CACNA2D2: variants seen among roughly 807,000 people sequenced by gnomAD.
CACNA2D2 encodes voltage-dependent calcium channel subunit alpha-2/delta-2.
In CACNA2D2, 48 loss-of-function variants were observed where a neutral mutation model predicts 166.4. The observed-to-expected ratio is 0.29, with a 90% CI of 0.23 to 0.37. CACNA2D2 has a LOEUF of 0.37. CACNA2D2 is among the 10% of genes least tolerant of loss of function. The probability of loss-of-function intolerance (pLI) is 1.00; values close to 1 mark genes in which losing one functional copy is unlikely to be tolerated. For synonymous variants in CACNA2D2, 561 were observed against 573.7 expected (o/e 0.98, Z 0.32); for missense variants, 1,122 against 1,433.0 (o/e 0.78, Z 3.50).
chr3:50,480,432 T>C (rs760466698), intron 1 of CACNA2D2, among the ~76,000 whole-genome samples: 3 of 151,990 alleles, frequency 2.0e-5, no homozygotes, highest in East Asian at 1.9e-4. Context: ...TAAGGACTTA[T>C]TGAGGGCTCA....
At chr3:50,471,615 G>A (rs2107066730) in intron 2 of CACNA2D2, among the ~76,000 whole-genome samples, 1 of 152,324 alleles carries the variant, frequency 6.6e-6, no homozygotes, top group East Asian at 1.9e-4. Context: ...CAGTGTGTGA[G>A]TGTGCATGTG....
At chr3:50,464,078 C>A (rs1403792970) in intron 2 of CACNA2D2, among the ~76,000 whole-genome samples, 2 of 152,238 alleles carry the variant, frequency 1.3e-5, no homozygotes, top group African/African-American at 4.8e-5. Context: ...GAACTCCCTC[C>A]ATCACCCAGG....
At chr3:50,473,692 G>C (rs771943780) in intron 2 of CACNA2D2, among the ~76,000 whole-genome samples, 2 of 152,166 alleles carry the variant, frequency 1.3e-5, no homozygotes, top group African/African-American at 2.4e-5. Context: ...CGGGGTCAGG[G>C]GTGAGTTGTG....
Position 50,375,921 on chromosome 3 carries a change from C to A in CACNA2D2, c.1774-41G>T. The A allele has an allele frequency of 6.2e-7, 1 of 1,612,748 alleles. No individual in the cohort carries two copies. Among genetic ancestry groups the A allele is most frequent in the Non-Finnish European group, 8.5e-7 (1 of 1,179,658 alleles). On this transcript the variant is annotated intron_variant, in intron 19 of 37. Coordinates refer to ENST00000424201, the MANE Select transcript of CACNA2D2 (RefSeq NM_006030.4). The surrounding 1 kb of genome is among the most constrained non-coding windows in gnomAD (Gnocchi z 4.0). ...ATGTGAGGGGCAGGGCCCCTACACT[C>A]CTCTGCTCTGTCCCCCACCCCTGTT...
chr3:50,501,777 T>C (rs1446723578), intron 1 of CACNA2D2, among the ~76,000 whole-genome samples: 1 of 152,260 alleles, frequency 6.6e-6, no homozygotes, highest in Non-Finnish European at 1.5e-5. Flanking sequence ...CTTTTGCTTT[T>C]TTTAAGCACT....
At chr3:50,468,886 T>C (rs1361622600) in intron 2 of CACNA2D2, among the ~76,000 whole-genome samples, 1 of 149,424 alleles carries the variant, frequency 6.7e-6, no homozygotes, top group Non-Finnish European at 1.5e-5. Context: ...TGGAGTGCAG[T>C]GGAGCGATCT....
intron 3 of CACNA2D2, among the ~76,000 whole-genome samples, chr3:50,403,284 G>A (rs1252448019): frequency 1.3e-5 from 2 of 151,776 alleles, no homozygotes; most frequent in African/African-American, 4.8e-5. Flanking sequence ...CCAGGTTCTG[G>A]GTTGCTCCTT....
chr3:50,390,576 G>A (rs1322511954), intron 4 of CACNA2D2, among the ~76,000 whole-genome samples: 1 of 152,160 alleles, frequency 6.6e-6, no homozygotes, highest in Non-Finnish European at 1.5e-5. Flanking sequence ...GACATACCCT[G>A]TGTTATCTGA....
At chr3:50,377,225 G>A (rs772648430) in intron 17 of CACNA2D2, among the ~76,000 whole-genome samples, 10 of 152,196 alleles carry the variant, frequency 6.6e-5, no homozygotes, top group Non-Finnish European at 1.5e-4. Flanking sequence ...CAGTGCAACC[G>A]AGTAAGAGAT....
At chr3:50,503,119 C>T (rs932070047) in intron 1 of CACNA2D2, 99 bp downstream of exon 1, 1 of 677,154 alleles carries the variant, frequency 1.5e-6, no homozygotes, top group African/African-American at 1.9e-5. Flanking sequence ...CCCAGCGCCT[C>T]TGCCCTGGCG....
Position 50,379,000 on chromosome 3 carries a change from G to A in CACNA2D2, c.1261-7C>T. 1 of 1,613,974 alleles carries A rather than the reference G, an allele frequency of 6.2e-7. No homozygotes were observed. Among genetic ancestry groups the A allele is most frequent in the South Asian group, 1.1e-5 (1 of 91,088 alleles). ...AGAAAGTAAACACGCGCACCTGTGGGGGGTTTGAGGTTACTGCTGTGGCCA... is the reference window on the plus strand; with the variant it reads ...AGAAAGTAAACACGCGCACCTGTGGAGGGTTTGAGGTTACTGCTGTGGCCA... On this transcript the variant is annotated splice_polypyrimidine_tract_variant and splice_region_variant and intron_variant, in intron 12 of 37. Transcript: ENST00000424201.
At chr3:50,478,929 C>T (rs1697919214) in intron 1 of CACNA2D2, among the ~76,000 whole-genome samples, 1 of 152,184 alleles carries the variant, frequency 6.6e-6, no homozygotes, top group African/African-American at 2.4e-5. Context: ...CCACCCCAGG[C>T]TGTTGACTCT....
At chr3:50,416,878 C>T (rs991487945) in intron 3 of CACNA2D2, among the ~76,000 whole-genome samples, 2 of 152,172 alleles carry the variant, frequency 1.3e-5, no homozygotes, top group Non-Finnish European at 2.9e-5. Flanking sequence ...TGTGTGTGTG[C>T]CCATCGGGTG....
rs147838153 is a variant in CACNA2D2 at position 50,379,657 on chromosome 3, G to A, written c.994-67C>T. 115 of 1,611,770 alleles carry A rather than the reference G, an allele frequency of 7.1e-5. No individual in the cohort carries two copies. The highest frequency in any genetic ancestry group is 6.8e-4 in the African/African-American group (51 of 74,992). Reference sequence around the variant, plus strand: ...GGGTAGGCAGCTATTGCATGGGGCTGGTGATGGTCACAGGAGCAGGGCAGA... The same window carrying A: ...GGGTAGGCAGCTATTGCATGGGGCTAGTGATGGTCACAGGAGCAGGGCAGA... On this transcript the variant is annotated intron_variant, in intron 10 of 37. Coordinates refer to ENST00000424201, the MANE Select transcript of CACNA2D2 (RefSeq NM_006030.4). This position sits in a 1 kb window ranked among gnomAD's most constrained non-coding sequence, Gnocchi z 6.5.
rs1172042434 is a variant in CACNA2D2, at chr3:50,375,053, C to T, written c.1908-240G>A. 6.6e-6 allele frequency among the ~76,000 whole-genome samples: 1 copy of T among 152,168 alleles called. No homozygotes were observed. The highest frequency in any genetic ancestry group is 1.9e-4 in the East Asian group (1 of 5,192). ...GGCAACCAGCCCCAAAGCAAATCCC[C>T]ACACCATCTCCCCTCCCAGCAGCCT... On this transcript the variant is annotated intron_variant, in intron 21 of 37. Coordinates refer to ENST00000424201, the MANE Select transcript of CACNA2D2 (RefSeq NM_006030.4). The surrounding 1 kb of genome is among the most constrained non-coding windows in gnomAD (Gnocchi z 4.0).
At chr3:50,462,653 C>T (rs1173316194) in intron 2 of CACNA2D2, among the ~76,000 whole-genome samples, 1 of 151,580 alleles carries the variant, frequency 6.6e-6, no homozygotes, top group East Asian at 1.9e-4. Context: ...GCAGGATGCC[C>T]ACGGATAATG....
rs1705014993 is a variant in CACNA2D2 at position 50,376,649 on chromosome 3, A to G, written c.1627-461T>C. 6.6e-6 allele frequency among the ~76,000 whole-genome samples: 1 copy of G among 152,068 alleles called. No homozygotes were observed. Among genetic ancestry groups the G allele is most frequent in the South Asian group, 2.1e-4 (1 of 4,824 alleles). On this transcript the variant is annotated intron_variant, in intron 17 of 37. Coordinates refer to ENST00000424201, the MANE Select transcript of CACNA2D2 (RefSeq NM_006030.4). This position sits in a 1 kb window ranked among gnomAD's most constrained non-coding sequence, Gnocchi z 4.3. The stretch of plus-strand genomic sequence containing the variant: ...GGGGCTTCCCTTCCAGGTGGAAGGG[A>G]AGTAGGAGTAAGTGGGACCTGGACC...
Position 50,376,955 on chromosome 3 carries a change from CCCT to C in CACNA2D2, c.1626+509_1626+511del, listed in dbSNP as rs1213510471. ...CCCTCTGCCTCCAATGTACGCCATC[CCCT>C]CCTTTCCTTTCTGCCTGGGACACTC... On this transcript the variant is annotated intron_variant, in intron 17 of 37. Transcript: ENST00000424201. The surrounding 1 kb of genome is among the most constrained non-coding windows in gnomAD (Gnocchi z 4.3). Among the ~76,000 whole-genome samples the C allele has an allele frequency of 1.3e-5, 2 of 152,318 alleles. No homozygotes were observed. Among genetic ancestry groups the C allele is most frequent in the Non-Finnish European group, 2.9e-5 (2 of 68,032 alleles).
chr3:50,367,202 G>A lies in CACNA2D2; in HGVS notation c.2402-93C>T. On this transcript the variant is annotated intron_variant, in intron 27 of 37. Coordinates refer to ENST00000424201, the MANE Select transcript of CACNA2D2 (RefSeq NM_006030.4). This position sits in a 1 kb window ranked among gnomAD's most constrained non-coding sequence, Gnocchi z 6.5. ...TACAAACCCAGCAGTCCAATCCCGG[G>A]ATGACTCCAGCCCAAGCACCCAGCA... The A allele has an allele frequency of 9.2e-7, 1 of 1,085,456 alleles. No individual in the cohort carries two copies. Among genetic ancestry groups the A allele is most frequent in the East Asian group, 2.6e-5 (1 of 39,194 alleles). 67.2% of individuals were successfully genotyped at this position (1,085,456 alleles called of 1,614,324 possible). A position where few individuals can be genotyped will look rare whatever the true frequency, so the allele number is the denominator to read the frequency against.
Sources: gnomAD v4.1 joint callset for allele counts (sites outside exome capture counted in the v4.1 genomes callset) on GRCh38, gnomAD v4.1.1 for gene constraint, Gnocchi (gnomAD v3.1) non-coding constraint, MANE v1.5 for transcripts, NCBI Gene and HGNC (gene_info 2026-07-23, HGNC 2026-07-21) for gene names.